The following SNX5 variants were observed in gnomAD, a reference collection of about 807,000 sequenced individuals.
The protein encoded by SNX5 is sorting nexin 5, also known as sorting nexin-5.
SNX5 carries 31 observed loss-of-function variants against 53.9 expected under a neutral mutation model. The ratio of observed to expected loss-of-function variants is 0.58; its 90% CI spans 0.43 to 0.78. The LOEUF (loss-of-function observed/expected upper bound fraction) is 0.78, where lower values mean the gene tolerates loss of function less well. Among genes scored for constraint, SNX5 ranks in the 30% least tolerant of loss-of-function variants. The pLI, the probability that SNX5 is intolerant of heterozygous loss-of-function variation, is 0.00. For synonymous variants in SNX5, 168 were observed against 171.1 expected (o/e 0.98, Z 0.14); for missense variants, 471 against 478.8 (o/e 0.98, Z 0.15).
chr20:17,957,296 G>C (rs758729049), intron 1 of SNX5, among the ~76,000 whole-genome samples: 1 of 152,008 alleles, frequency 6.6e-6, no homozygotes, highest in East Asian at 1.9e-4. Context: ...TTAGCTAAGC[G>C]TGGTGGCGGG....
intron 1 of SNX5, among the ~76,000 whole-genome samples, chr20:17,958,133 A>G (rs2035393071): frequency 6.6e-6 from 1 of 152,168 alleles, no homozygotes; most frequent in Admixed American, 6.5e-5. Context: ...AAAACCTGAC[A>G]CACAAGGCAC....
intron 1 of SNX5, among the ~76,000 whole-genome samples, chr20:17,966,252 G>A (rs1293085626): frequency 6.6e-6 from 1 of 152,150 alleles, no homozygotes; most frequent in African/African-American, 2.4e-5. Flanking sequence ...GGGCATGGCG[G>A]TGAGCGACTG....
intron 1 of SNX5, chr20:17,961,762 C>G (rs1401977189): frequency 4.1e-6 from 4 of 985,264 alleles, no homozygotes; most frequent in African/African-American, 3.5e-5. Context: ...ATGTTTCATT[C>G]CACTGCCTAA....
At chr20:17,945,256 A>G (rs1416770871) in intron 11 of SNX5, 2 of 152,156 alleles carry the variant, frequency 1.3e-5, no homozygotes, top group Non-Finnish European at 2.9e-5. Flanking sequence ...GGCTCCATAC[A>G]CTTAACTATT....
intron 11 of SNX5, among the ~76,000 whole-genome samples, chr20:17,946,774 T>C (rs1212903116): frequency 1.3e-5 from 2 of 152,160 alleles, no homozygotes; most frequent in Admixed American, 1.3e-4. Context: ...TTAAATTGCC[T>C]CACCACAGAT....
intron 1 of SNX5, among the ~76,000 whole-genome samples, chr20:17,963,705 T>C (rs2035493749): frequency 6.6e-6 from 1 of 152,152 alleles, no homozygotes. Flanking sequence ...TGAAGGACAT[T>C]TACTGCCTTC....
At chr20:17,967,669 G>A (rs1014015943) in intron 1 of SNX5, 7 of 161,028 alleles carry the variant, frequency 4.3e-5, no homozygotes, top group Non-Finnish European at 6.7e-5. Context: ...AAGAACCAAT[G>A]AAAAAGAGTG....
chr20:17,951,545 T>C lies in SNX5; in HGVS notation c.564A>G (p.Lys188=), dbSNP rs768775709. The C allele has an allele frequency of 1.2e-6, 2 of 1,612,508 alleles. No homozygotes were observed. Among genetic ancestry groups the C allele is most frequent in the Non-Finnish European group, 1.7e-6 (2 of 1,179,836 alleles). Residue 188 remains lysine, a synonymous_variant, in exon 6 of 13, where the codon AAA becomes AAG. Transcript: ENST00000377759. ...NTKEMFGGFF[K]SVVKSADEVL... The stretch of plus-strand genomic sequence containing the variant: ...CTTCATCAGCACTTTTCACCACACT[T>C]TTGAAGAAGCCACCAAACATCTCTT...
In SNX5 at chr20:17,949,106, G is replaced by A. The variant is rs1264758657; in HGVS notation, c.792-3C>T. 6.2e-6 allele frequency: 10 copies of A among 1,612,464 alleles called. No homozygotes were observed. Among genetic ancestry groups the A allele is most frequent in the Non-Finnish European group, 7.6e-6 (9 of 1,179,224 alleles). ...GCTCAGCAACCTTCAATAGGTACCT[G>A]GAAATGTACATATAATTTTGGTTTA... On this transcript the variant is annotated splice_polypyrimidine_tract_variant and splice_region_variant and intron_variant, in intron 8 of 12. Transcript: ENST00000377759.
At position 17,968,565 on chromosome 20, in the gene SNX5, G is replaced by T; in HGVS notation, c.-140C>A. ...GCCTCCCTGCCCGACGGCGGCAGGA[G>T]GCCTCCGGACTCCGCCACCATCCCA... On this transcript the variant is annotated 5_prime_UTR_variant, in exon 1 of 13. Coordinates refer to ENST00000377759, the MANE Select transcript of SNX5 (RefSeq NM_014426.4). 1.3e-6 allele frequency: 1 copy of T among 775,430 alleles called. No individual in the cohort carries two copies. The highest frequency in any genetic ancestry group is 1.8e-5 in the South Asian group (1 of 57,096). The allele number at this position is 775,430 out of a possible 1,614,324, so 48.0% of individuals were successfully genotyped here.
intron 3 of SNX5, 102 bp from the exon 4 acceptor site, chr20:17,954,219 C>T (rs2035315382): frequency 4.6e-6 from 7 of 1,534,886 alleles, no homozygotes; most frequent in East Asian, 2.3e-5. Context: ...ACAACCACTC[C>T]ACTCCTGTGG....
intron 4 of SNX5, 97 bp downstream of exon 4, chr20:17,953,899 T>C: frequency 9.2e-7 from 1 of 1,087,002 alleles, no homozygotes; most frequent in Non-Finnish European, 1.4e-6. Flanking sequence ...CAGCTGCACT[T>C]AAAACAAAAT....
chr20:17,950,623 C>A (rs2039553817), intron 6 of SNX5, among the ~76,000 whole-genome samples: 1 of 152,218 alleles, frequency 6.6e-6, no homozygotes, highest in Non-Finnish European at 1.5e-5. Flanking sequence ...CACTTAACAA[C>A]CACCAGTAAA....
intron 1 of SNX5, among the ~76,000 whole-genome samples, chr20:17,957,432 CA>C (rs11476332): frequency 0.49 from 58,022 of 118,798 alleles, 11,912 homozygotes; most frequent in South Asian, 0.6. Context: ...GAAACTGTCT[CA>C]AAAAAAAAAA....
chr20:17,964,211 TGAAA>T (rs2035501464), intron 1 of SNX5, among the ~76,000 whole-genome samples: 1 of 152,152 alleles, frequency 6.6e-6, no homozygotes, highest in African/African-American at 2.4e-5. Flanking sequence ...GCGGTGCTCT[TGAAA>T]GAAAAAGTGA....
chr20:17,963,320 C>A (rs1256546383), intron 1 of SNX5, among the ~76,000 whole-genome samples: 2 of 152,050 alleles, frequency 1.3e-5, no homozygotes, highest in Non-Finnish European at 2.9e-5. Flanking sequence ...AAAAAAATCA[C>A]CTAGGCTCGG....
intron 8 of SNX5, 113 bp downstream of exon 8, chr20:17,950,019 G>A (rs1246433410): frequency 2.4e-6 from 2 of 832,596 alleles, no homozygotes; most frequent in Admixed American, 2.4e-5. Flanking sequence ...TTGTCTTACT[G>A]AGCTTGTAAC....
At chr20:17,956,714 A>G (rs1261698719) in intron 2 of SNX5, among the ~76,000 whole-genome samples, 1 of 138,544 alleles carries the variant, frequency 7.2e-6, no homozygotes, top group Admixed American at 7.3e-5. Context: ...ACAAAAAAAC[A>G]ATGCCCACAG....
intron 5 of SNX5, among the ~76,000 whole-genome samples, chr20:17,952,234 G>C (rs191509939): frequency 1.3e-5 from 2 of 152,062 alleles, no homozygotes; most frequent in African/African-American, 4.8e-5. Context: ...AAAAAGAAAA[G>C]AAAAAAGTCA....
Sources: gnomAD v4.1 joint callset for allele counts (sites outside exome capture counted in the v4.1 genomes callset) on GRCh38, gnomAD v4.1.1 for gene constraint, MANE v1.5 for transcripts, NCBI Gene and HGNC (gene_info 2026-07-23, HGNC 2026-07-21) for gene names.